The following HHAT variants were observed in gnomAD, a reference collection of about 807,000 sequenced individuals.
The protein encoded by HHAT is hedgehog acyltransferase.
HHAT carries 47 observed loss-of-function variants against 70.8 expected under a neutral mutation model. The ratio of observed to expected loss-of-function variants is 0.66; its 90% CI spans 0.53 to 0.85. HHAT has a LOEUF of 0.85. Among genes scored for constraint, HHAT ranks in the 40% least tolerant of loss-of-function variants. The pLI is 0.00. For synonymous variants in HHAT, 228 were observed against 247.6 expected, an observed-to-expected ratio of 0.92 and a Z score of 0.74; for missense variants, 609 against 604.8, an observed-to-expected ratio of 1.01 and a Z score of -0.07.
intron 4 of HHAT, 124 bp downstream of exon 4, chr1:210,387,705 G>A (rs1340274843): frequency 3.0e-6 from 2 of 674,180 alleles, no homozygotes; most frequent in South Asian, 1.8e-5. Context: ...AAATGATAAA[G>A]TTGTTAACAA....
At chr1:210,634,445 A>G (rs1437890897) in intron 11 of HHAT, among the ~76,000 whole-genome samples, 1 of 152,210 alleles carries the variant, frequency 6.6e-6, no homozygotes, top group African/African-American at 2.4e-5. Context: ...TGAATCATGC[A>G]CAGCAGGGAG....
chr1:210,488,020 G>A (rs551603623), intron 8 of HHAT, among the ~76,000 whole-genome samples: 6 of 152,160 alleles, frequency 3.9e-5, no homozygotes, highest in East Asian at 1.9e-4. Flanking sequence ...CTGCTTCCTC[G>A]TGGGATTCCC....
chr1:210,650,249 G>C (rs867029819), intron 11 of HHAT, among the ~76,000 whole-genome samples: 2 of 152,158 alleles, frequency 1.3e-5, no homozygotes, highest in Admixed American at 6.5e-5. Flanking sequence ...TGATAATCCT[G>C]GTTTTAAAGA....
chr1:210,352,351 A>G (rs182265718), intron 2 of HHAT, among the ~76,000 whole-genome samples: 1 of 152,274 alleles, frequency 6.6e-6, no homozygotes, highest in Admixed American at 6.5e-5. Flanking sequence ...TCCCCATGCC[A>G]TGCCTAAGTA....
At chr1:210,586,830 C>T (rs1201308397) in intron 9 of HHAT, among the ~76,000 whole-genome samples, 1 of 152,134 alleles carries the variant, frequency 6.6e-6, no homozygotes, top group Non-Finnish European at 1.5e-5. Context: ...GAGTTTTGTC[C>T]AACTCAAGCA....
chr1:210,482,662 G>A (rs1357209927), intron 8 of HHAT, among the ~76,000 whole-genome samples: 1 of 152,160 alleles, frequency 6.6e-6, no homozygotes, highest in Non-Finnish European at 1.5e-5. Context: ...GAAGTAGAGA[G>A]TGGAAATAAT....
chr1:210,632,953 C>G (rs1011072343), intron 11 of HHAT, among the ~76,000 whole-genome samples: 5 of 152,034 alleles, frequency 3.3e-5, no homozygotes, highest in African/African-American at 1.2e-4. Flanking sequence ...ACACCTGGAG[C>G]CACCAAAAGC....
intron 8 of HHAT, among the ~76,000 whole-genome samples, chr1:210,481,241 G>T (rs2094391641): frequency 6.6e-6 from 1 of 152,120 alleles, no homozygotes; most frequent in Non-Finnish European, 1.5e-5. Context: ...ACAGGGTTAG[G>T]TTCCTGCTAG....
intron 11 of HHAT, among the ~76,000 whole-genome samples, chr1:210,633,029 G>A (rs1346525347): frequency 6.6e-6 from 1 of 152,178 alleles, no homozygotes; most frequent in Non-Finnish European, 1.5e-5. Flanking sequence ...CTGGCTCCTT[G>A]ATTTCAGATT....
intron 10 of HHAT, among the ~76,000 whole-genome samples, chr1:210,605,799 G>A (rs1461698472): frequency 6.6e-6 from 1 of 151,692 alleles, no homozygotes; most frequent in Non-Finnish European, 1.5e-5. Context: ...TTAGTTGTTT[G>A]TGATTTTTAC....
At chr1:210,432,457 A>C (rs1187160793) in intron 7 of HHAT, among the ~76,000 whole-genome samples, 2 of 151,980 alleles carry the variant, frequency 1.3e-5, no homozygotes, top group Non-Finnish European at 2.9e-5. Flanking sequence ...AGAGTCTTTC[A>C]TTTTGGCAAA....
At chr1:210,671,209 C>T (rs1460009682) in intron 11 of HHAT, among the ~76,000 whole-genome samples, 5 of 152,208 alleles carry the variant, frequency 3.3e-5, no homozygotes, top group Non-Finnish European at 5.9e-5. Flanking sequence ...GGCCTCTGGG[C>T]TCCATGTTTA....
intron 7 of HHAT, among the ~76,000 whole-genome samples, chr1:210,421,635 G>A (rs572734905): frequency 2.9e-4 from 44 of 152,134 alleles, no homozygotes; most frequent in Admixed American, 6.5e-4. Flanking sequence ...AGTAGAGACG[G>A]GGTTTCACCA....
chr1:210,393,362 C>T (rs979867686), intron 4 of HHAT, among the ~76,000 whole-genome samples: 5 of 152,184 alleles, frequency 3.3e-5, no homozygotes, highest in Admixed American at 2.0e-4. Context: ...TGTTCCCATA[C>T]TGATGGTCTT....
intron 9 of HHAT, among the ~76,000 whole-genome samples, chr1:210,552,218 C>T (rs1475789115): frequency 2.6e-5 from 4 of 152,274 alleles, no homozygotes; most frequent in African/African-American, 4.8e-5. Flanking sequence ...GAAAGCTCCT[C>T]GGGGCAATGG....
At chr1:210,569,351 G>A (rs1352398410) in intron 9 of HHAT, among the ~76,000 whole-genome samples, 1 of 107,408 alleles carries the variant, frequency 9.3e-6, no homozygotes, top group Non-Finnish European at 1.8e-5. Flanking sequence ...TCCAGCTCGG[G>A]CGACAGAGCC....
intron 8 of HHAT, among the ~76,000 whole-genome samples, chr1:210,493,421 TTTCTC>T (rs1357491237): frequency 6.6e-6 from 1 of 152,152 alleles, no homozygotes; most frequent in Non-Finnish European, 1.5e-5. Context: ...TCCTCGGTCT[TTTCTC>T]TTAAGGCCTT....
chr1:210,389,373 A>G (rs1209696840), intron 4 of HHAT, among the ~76,000 whole-genome samples: 2 of 152,182 alleles, frequency 1.3e-5, no homozygotes, highest in Admixed American at 6.5e-5. Context: ...TCCTCTTCTT[A>G]TAAAGCCACC....
chr1:210,552,947 G>A (rs11585911), intron 9 of HHAT, among the ~76,000 whole-genome samples: 27,123 of 152,216 alleles, frequency 0.18, 3,010 homozygotes, highest in Middle Eastern at 0.28. Context: ...AGGTCAGGGA[G>A]CAGGTCTCCT....
Sources: gnomAD v4.1 joint callset for allele counts (sites outside exome capture counted in the v4.1 genomes callset) on GRCh38, gnomAD v4.1.1 for gene constraint, MANE v1.5 for transcripts, NCBI Gene and HGNC (gene_info 2026-07-23, HGNC 2026-07-21) for gene names.